Variants in CHAF1B observed in about 807,000 individuals in gnomAD.
CHAF1B encodes the protein CAF-1 subunit B.
A neutral mutation model predicts 60.7 loss-of-function variants in CHAF1B; 10 were observed. The observed-to-expected ratio is 0.16, with a 90% CI of 0.10 to 0.28. The LOEUF (loss-of-function observed/expected upper bound fraction) is 0.28, where lower values mean the gene tolerates loss of function less well. Ranked by LOEUF, CHAF1B falls within the 10% of genes least tolerant of loss-of-function variation. The probability of loss-of-function intolerance (pLI) is 1.00; values close to 1 mark genes in which losing one functional copy is unlikely to be tolerated. For missense variants in CHAF1B, 558 were observed against 708.4 expected, an observed-to-expected ratio of 0.79 and a Z score of 2.41; for synonymous variants, 261 against 266.1, an observed-to-expected ratio of 0.98 and a Z score of 0.19.
chr21:36,389,640 C>A, intron 3 of CHAF1B, among the ~76,000 whole-genome samples: 1 of 150,414 alleles, frequency 6.6e-6, no homozygotes, highest in Non-Finnish European at 1.5e-5. Flanking sequence ...TTTTACCATA[C>A]TTTAAAACAA....
In CHAF1B at chr21:36,403,501, C is replaced by T. The variant is rs556889961; in HGVS notation, c.757+650C>T. ...AAAAAGAAACTTTACTATTTAAACC[C>T]TTTCAATGAATGCTTTTTCATTCAT... On this transcript the variant is annotated intron_variant, in intron 8 of 13. Transcript: ENST00000314103. Among the ~76,000 whole-genome samples, 23 of 149,512 alleles carry T rather than the reference C, an allele frequency of 1.5e-4. No individual in the cohort carries two copies. The East Asian group carries it at 4.3e-3, about 28-fold the overall frequency.
At chr21:36,415,416 A>AT in intron 13 of CHAF1B, 27 bp downstream of exon 13, 1 of 1,352,974 alleles carries the variant, frequency 7.4e-7, no homozygotes, top group South Asian at 1.2e-5. Context: ...CTGGTTTAAT[A>AT]TAATGAAAGG....
rs1036216182 is a variant in CHAF1B at position 36,418,842 on chromosome 21, CTG to C, written c.*2478_*2479del. The C allele has an allele frequency of 5.1e-5, 7 of 136,946 alleles. No individual in the cohort carries two copies. The highest frequency in any genetic ancestry group is 2.3e-4 in the African/African-American group (7 of 30,978). 8.5% of individuals were successfully genotyped at this position (136,946 alleles called of 1,614,324 possible). On this transcript the variant is annotated 3_prime_UTR_variant, in exon 14 of 14. Coordinates refer to ENST00000314103, the MANE Select transcript of CHAF1B (RefSeq NM_005441.3). ...CCAGCCTGGGCGACAGAGCGAGACTCTGTCTCAAAAAAAAAAAAAAAGAGAAA... is the reference window on the plus strand; with the variant it reads ...CCAGCCTGGGCGACAGAGCGAGACTCTCTCAAAAAAAAAAAAAAAGAGAAA...
chr21:36,397,248 G>A (rs184053803), intron 5 of CHAF1B, among the ~76,000 whole-genome samples, 167 bp from the exon 6 acceptor site: 1 of 152,138 alleles, frequency 6.6e-6, no homozygotes, highest in African/African-American at 2.4e-5. Context: ...AGTCATCTTT[G>A]TGACCCCAGA....
intron 13 of CHAF1B, chr21:36,415,673 T>C: frequency 2.1e-6 from 1 of 477,588 alleles, no homozygotes; most frequent in Non-Finnish European, 3.8e-6. Flanking sequence ...GGCAATTCTT[T>C]GTTGTGGAGG....
intron 3 of CHAF1B, among the ~76,000 whole-genome samples, chr21:36,390,836 A>G (rs1382648245): frequency 6.6e-6 from 1 of 152,060 alleles, no homozygotes; most frequent in Non-Finnish European, 1.5e-5. Context: ...TTTGATTTTT[A>G]GTAGAGACAA....
intron 3 of CHAF1B, 60 bp downstream of exon 3, chr21:36,387,790 T>A: frequency 6.4e-7 from 1 of 1,570,504 alleles, no homozygotes; most frequent in Non-Finnish European, 8.7e-7. Flanking sequence ...GTGTGTCTTG[T>A]GTCAGATAGT....
intron 11 of CHAF1B, 63 bp downstream of exon 11, chr21:36,411,667 C>G: frequency 6.3e-7 from 1 of 1,580,630 alleles, no homozygotes; most frequent in Non-Finnish European, 8.7e-7. Context: ...TGGAAGACAC[C>G]CCGGGGTTAG....
Position 36,386,116 on chromosome 21 carries a change from T to C in CHAF1B, c.-21T>C, listed in dbSNP as rs1167550869. 1.2e-6 allele frequency: 2 copies of C among 1,613,514 alleles called. No individual in the cohort carries two copies. Among genetic ancestry groups the C allele is most frequent in the East Asian group, 4.5e-5 (2 of 44,862 alleles). Reference sequence around the variant, plus strand: ...TAGAACGGTGCCCGAGAAACGTTTTTCCCCTTCGAGACTCAGGAGGATGAA... The same window carrying C: ...TAGAACGGTGCCCGAGAAACGTTTTCCCCCTTCGAGACTCAGGAGGATGAA... On this transcript the variant is annotated 5_prime_UTR_variant, in exon 2 of 14. Transcript: ENST00000314103.
chr21:36,413,352 G>A, intron 12 of CHAF1B, 37 bp downstream of exon 12: 2 of 1,516,400 alleles, frequency 1.3e-6, no homozygotes, highest in Non-Finnish European at 1.8e-6. Context: ...ATTGCAAAAT[G>A]AAACACAAAA....
chr21:36,397,704 T>C (rs957791385), intron 6 of CHAF1B, 193 bp downstream of exon 6: 1 of 363,666 alleles, frequency 2.7e-6, no homozygotes, highest in Non-Finnish European at 4.9e-6. Context: ...TACACGAAGT[T>C]TGTACTTAGT....
intron 10 of CHAF1B, among the ~76,000 whole-genome samples, chr21:36,410,771 C>G (rs1384333982): frequency 3.3e-5 from 5 of 151,836 alleles, no homozygotes; most frequent in Admixed American, 2.6e-4. Context: ...AGTGAATCTC[C>G]CACCTCAGCC....
intron 12 of CHAF1B, among the ~76,000 whole-genome samples, chr21:36,414,378 G>T (rs967174831): frequency 4.6e-5 from 7 of 152,196 alleles, no homozygotes; most frequent in African/African-American, 1.7e-4. Flanking sequence ...ATATGTGTAT[G>T]GGTTGCTGGC....
At chr21:36,394,730 CTTTT>C (rs370521957) in intron 5 of CHAF1B, 80 bp downstream of exon 5, 1,835 of 534,058 alleles carry the variant, frequency 3.4e-3, no homozygotes, top group East Asian at 5.3e-3. Context: ...CTTGCTTTAA[CTTTT>C]TTTTTTTTTT....
chr21:36,390,523 A>G (rs2086078163), intron 3 of CHAF1B, among the ~76,000 whole-genome samples: 1 of 152,150 alleles, frequency 6.6e-6, no homozygotes, highest in South Asian at 2.1e-4. Context: ...ACCTCAGGCT[A>G]AAGTACCTGA....
chr21:36,387,506 C>A, intron 2 of CHAF1B, 92 bp from the exon 3 acceptor site: 1 of 1,495,410 alleles, frequency 6.7e-7, no homozygotes, highest in Non-Finnish European at 9.2e-7. Context: ...CAGTTGTGAG[C>A]CACCACACCC....
intron 4 of CHAF1B, among the ~76,000 whole-genome samples, chr21:36,391,907 A>ATTTTTTTTTTTTTTTTTTTTTTTTTTT (rs55920360): frequency 1.5e-5 from 1 of 67,054 alleles, no homozygotes; most frequent in Non-Finnish European, 2.5e-5. Context: ...TGATTTTTAA[A>ATTTTTTTTTTTTTTTTTTTTTTTTTTT]TTTTTTTTTT....
At chr21:36,412,440 A>G (rs893480135) in intron 11 of CHAF1B, among the ~76,000 whole-genome samples, 2 of 151,332 alleles carry the variant, frequency 1.3e-5, no homozygotes, top group Non-Finnish European at 2.9e-5. Context: ...GCTCACTACA[A>G]CCTCCGCCTC....
At position 36,413,821 on chromosome 21, in the gene CHAF1B, A is replaced by G. The variant is rs945978618; in HGVS notation, c.1493+506A>G. Among the ~76,000 whole-genome samples, 9 of 152,048 alleles carry G rather than the reference A, an allele frequency of 5.9e-5. No homozygotes were observed. The South Asian group carries it at 8.3e-4, about 14-fold the overall frequency. ...CCCTTGTCACCACACATCAGATTCC[A>G]TAGCAGGTGCTTTGATGCTCCAGTT... On this transcript the variant is annotated intron_variant, in intron 12 of 13. Transcript: ENST00000314103.
Sources: allele counts gnomAD v4.1 joint callset (sites outside exome capture counted in the v4.1 genomes callset), GRCh38; gene constraint gnomAD v4.1.1; transcripts MANE v1.5; gene names NCBI Gene and HGNC (gene_info 2026-07-23, HGNC 2026-07-21).